MAPK6: variants seen among roughly 807,000 people sequenced by gnomAD.
The protein encoded by MAPK6 is ERK-3.
A neutral mutation model predicts 59.3 loss-of-function variants in MAPK6; 19 were observed. The ratio of observed to expected loss-of-function variants is 0.32; its 90% CI spans 0.22 to 0.47. The LOEUF (loss-of-function observed/expected upper bound fraction) is 0.47, where lower values mean the gene tolerates loss of function less well. Ranked by LOEUF, MAPK6 falls within the 20% of genes least tolerant of loss-of-function variation. The pLI, the probability that MAPK6 is intolerant of heterozygous loss-of-function variation, is 1.00. For synonymous variants in MAPK6, 316 were observed against 290.3 expected, an observed-to-expected ratio of 1.09 and a Z score of -0.90; for missense variants, 724 against 847.9, an observed-to-expected ratio of 0.85 and a Z score of 1.81.
At chr15:51,984,596 C>G (rs2057185055) in intron 2 of MAPK6, among the ~76,000 whole-genome samples, 1 of 151,760 alleles carries the variant, frequency 6.6e-6, no homozygotes, top group African/African-American at 2.4e-5. Context: ...AGCCACCGTG[C>G]CCGGCCAGAA....
chr15:52,061,793 T>TC (rs1236195444), intron 5 of MAPK6, among the ~76,000 whole-genome samples: 1 of 152,082 alleles, frequency 6.6e-6, no homozygotes, highest in Non-Finnish European at 1.5e-5. Context: ...TTAGTAATGG[T>TC]CCTTAATATT....
Position 52,058,618 on chromosome 15 carries a change from G to GT in MAPK6, c.701-9dup, listed in dbSNP as rs1566913538. 9 of 1,570,522 alleles carry GT rather than the reference G, an allele frequency of 5.7e-6. No homozygotes were observed. Among genetic ancestry groups the GT allele is most frequent in the Non-Finnish European group, 7.8e-6 (9 of 1,158,494 alleles). On this transcript the variant is annotated splice_polypyrimidine_tract_variant and intron_variant, in intron 3 of 5. Coordinates refer to ENST00000261845, the MANE Select transcript of MAPK6 (RefSeq NM_002748.4). ...CATTGAGGAATGTGTTTTTTTGTTT[G>GT]TTTTTTAACCTCAGGTGCACATGAA...
At chr15:52,028,526 C>G (rs761708474) in intron 1 of MAPK6, among the ~76,000 whole-genome samples, 59 of 152,274 alleles carry the variant, frequency 3.9e-4, no homozygotes, top group Admixed American at 9.8e-4. Context: ...ATAGTGCTTT[C>G]TGCAATGAAA....
At chr15:51,982,622 G>T (rs12594784) in intron 1 of MAPK6, among the ~76,000 whole-genome samples, 42,098 of 151,888 alleles carry the variant, frequency 0.28, 6,409 homozygotes, top group East Asian at 0.64. Flanking sequence ...CCTTTAGATA[G>T]CAATCAAAAC....
intron 1 of MAPK6, among the ~76,000 whole-genome samples, chr15:52,025,586 A>C (rs1198729196): frequency 6.6e-6 from 1 of 152,118 alleles, no homozygotes; most frequent in Non-Finnish European, 1.5e-5. Context: ...GCGGATCACG[A>C]GGTCAGGAGA....
chr15:52,047,085 T>A lies in MAPK6; in HGVS notation c.555+70T>A, dbSNP rs1694301947. ...CCTAATCAGGAATAGGTACTTATAT[T>A]TTCTTTGTATATTGTGGCAGAATTT... is the stretch of plus-strand genomic sequence containing the variant. On this transcript the variant is annotated intron_variant, in intron 2 of 5. Transcript: ENST00000261845. 2.6e-6 allele frequency: 3 copies of A among 1,148,052 alleles called. No individual in the cohort carries two copies. The Admixed American group carries it at 8.3e-5, about 32-fold the overall frequency. The allele number at this position is 1,148,052 out of a possible 1,614,324, so 71.1% of individuals were successfully genotyped here.
At chr15:52,057,789 C>G (rs1175104205) in intron 3 of MAPK6, among the ~76,000 whole-genome samples, 3 of 152,180 alleles carry the variant, frequency 2.0e-5, no homozygotes, top group Non-Finnish European at 2.9e-5. Context: ...AAAGTATTAA[C>G]AACCCTATTC....
chr15:52,064,612 G>T lies in MAPK6; in HGVS notation c.1778G>T (p.Trp593Leu). 1 of 1,611,836 alleles carries T rather than the reference G, an allele frequency of 6.2e-7. No homozygotes were observed. The highest frequency in any genetic ancestry group is 8.5e-7 in the Non-Finnish European group (1 of 1,179,742). Residue 593 changes from tryptophan to leucine, a missense_variant, in exon 6 of 6, where the codon TGG (tryptophan) becomes TTG (leucine). Transcript: ENST00000261845. Reference protein sequence around the residue: ...AQLEALYQSSWDSQFVSGGED... With the variant: ...AQLEALYQSSLDSQFVSGGED... ...TTAGAAGCCTTGTACCAGTCTTCTT[G>T]GGACAGCCAGTTTGTGAGTGGTGGG... is the stretch of plus-strand genomic sequence containing the variant.
chr15:52,052,013 G>A (rs1229593938), intron 3 of MAPK6, among the ~76,000 whole-genome samples: 1 of 152,156 alleles, frequency 6.6e-6, no homozygotes, highest in African/African-American at 2.4e-5. Context: ...CTGATATCAA[G>A]TGCCTTCCAG....
chr15:52,015,885 C>A (rs1440779078), upstream of MAPK6, among the ~76,000 whole-genome samples: 1 of 137,504 alleles, frequency 7.3e-6, no homozygotes, highest in Non-Finnish European at 1.6e-5. Flanking sequence ...TGGTGAAACC[C>A]CCTCTCTACT....
chr15:52,052,775 G>A (rs915381366), intron 3 of MAPK6, among the ~76,000 whole-genome samples: 6 of 152,182 alleles, frequency 3.9e-5, no homozygotes, highest in African/African-American at 1.4e-4. Context: ...TATACCACAT[G>A]CTGTTTATCC....
chr15:52,034,358 T>G (rs2959284), intron 1 of MAPK6, among the ~76,000 whole-genome samples: 151,096 of 151,730 alleles, frequency 1, 75,248 homozygotes, highest in Middle Eastern at 1. Flanking sequence ...CTGTTACCCA[T>G]ACTGGAGCAC....
chr15:52,000,474 T>C (rs2057238824), intron 2 of MAPK6, among the ~76,000 whole-genome samples: 1 of 152,214 alleles, frequency 6.6e-6, no homozygotes, highest in African/African-American at 2.4e-5. Flanking sequence ...TTTTTGCATG[T>C]GGCTATTCTT....
At chr15:52,033,799 A>C (rs993826331) in intron 1 of MAPK6, 1 of 146,420 alleles carries the variant, frequency 6.8e-6, no homozygotes, top group Non-Finnish European at 1.5e-5. Context: ...TTTTTATTTT[A>C]TTTTTTCCTT....
rs1216188059 is a variant in MAPK6 at position 52,066,903 on chromosome 15, T to C, written c.*1903T>C. Reference sequence around the variant, plus strand: ...TCTGAAGTGCAGTCATGAGAATTGATTTGTGGGGAAAAAAAAAATGGGACA... The same window carrying C: ...TCTGAAGTGCAGTCATGAGAATTGACTTGTGGGGAAAAAAAAAATGGGACA... On this transcript the variant is annotated 3_prime_UTR_variant, in exon 6 of 6. Transcript: ENST00000261845. The C allele has an allele frequency of 1.3e-5, 2 of 151,934 alleles. No individual in the cohort carries two copies. The highest frequency in any genetic ancestry group is 2.9e-5 in the Non-Finnish European group (2 of 68,006). 9.4% of individuals were successfully genotyped at this position (151,934 alleles called of 1,614,324 possible).
intron 3 of MAPK6, among the ~76,000 whole-genome samples, chr15:52,054,680 T>C (rs145981968): frequency 6.6e-5 from 10 of 152,114 alleles, no homozygotes; most frequent in Non-Finnish European, 1.0e-4. Context: ...TTTTTTTCAT[T>C]TTTTACCTTC....
In MAPK6 at chr15:52,063,937, C is replaced by T. The variant is rs200832424; in HGVS notation, c.1103C>T (p.Pro368Leu). 3.8e-6 allele frequency: 6 copies of T among 1,585,194 alleles called. No homozygotes were observed. In the African/African-American group the frequency reaches 8.1e-5, roughly 21 times the overall value. The change falls in exon 6 of 6, where the codon CCT (proline) becomes CTT (leucine). Residue 368 changes from proline to leucine, a missense_variant. By Grantham distance (98) the Pro-to-Leu change is moderately conservative (BLOSUM62 -3). Transcript: ENST00000261845. ...TGTCAGTTTTCAGAGCATGATTGGC[C>T]TGTACATAACAACTTTGATATTGAT... Reference protein sequence around the residue: ...HDCQFSEHDWPVHNNFDIDEV... With the variant: ...HDCQFSEHDWLVHNNFDIDEV...
chr15:51,982,542 TAGAA>T (rs1373892956), intron 1 of MAPK6, among the ~76,000 whole-genome samples: 1 of 152,168 alleles, frequency 6.6e-6, no homozygotes, highest in Admixed American at 6.5e-5. Flanking sequence ...AATTTTTCTT[TAGAA>T]AGAAAATGTC....
At chr15:51,984,073 T>G (rs2057182825) in intron 2 of MAPK6, among the ~76,000 whole-genome samples, 1 of 151,546 alleles carries the variant, frequency 6.6e-6, no homozygotes, top group Non-Finnish European at 1.5e-5. Context: ...TCACCAAAAC[T>G]TTGTTTATAA....
Sources: gnomAD v4.1 joint callset for allele counts (sites outside exome capture counted in the v4.1 genomes callset) on GRCh38, gnomAD v4.1.1 for gene constraint, MANE v1.5 for transcripts, NCBI Gene and HGNC (gene_info 2026-07-23, HGNC 2026-07-21) for gene names.